The following TLL1 variants were observed in gnomAD, a reference collection of about 807,000 sequenced individuals.
TLL1 encodes tolloid-like protein 1.
In TLL1, 49 loss-of-function variants were observed where a neutral mutation model predicts 128.2. The ratio of observed to expected loss-of-function variants is 0.38; its 90% CI spans 0.30 to 0.48. The LOEUF (loss-of-function observed/expected upper bound fraction) is 0.48. Ranked by LOEUF, TLL1 falls within the 20% of genes least tolerant of loss-of-function variation. The probability of loss-of-function intolerance (pLI) is 0.96; values close to 1 mark genes in which losing one functional copy is unlikely to be tolerated. For synonymous variants in TLL1, 454 were observed against 418.8 expected, an observed-to-expected ratio of 1.08 and a Z score of -1.03; for missense variants, 1,123 against 1,242.0, an observed-to-expected ratio of 0.90 and a Z score of 1.44.
intron 19 of TLL1, among the ~76,000 whole-genome samples, chr4:166,095,376 G>A (rs1288179532): frequency 6.6e-6 from 1 of 151,292 alleles, no homozygotes; most frequent in African/African-American, 2.4e-5. Context: ...TATTACTCCA[G>A]TCTTAAATAA....
chr4:165,896,796 T>G (rs757688509), intron 1 of TLL1, among the ~76,000 whole-genome samples: 8 of 152,210 alleles, frequency 5.3e-5, no homozygotes, highest in Non-Finnish European at 1.2e-4. Flanking sequence ...AAATGGTATT[T>G]CTGGTTCTAG....
intron 1 of TLL1, among the ~76,000 whole-genome samples, chr4:165,885,482 C>T (rs1383307516): frequency 2.6e-5 from 4 of 151,852 alleles, no homozygotes; most frequent in Admixed American, 6.6e-5. Context: ...CACCATAGGC[C>T]CTGAAGTAGG....
chr4:166,003,243 C>T, intron 5 of TLL1, 148 bp from the exon 6 acceptor site: 1 of 749,870 alleles, frequency 1.3e-6, no homozygotes, highest in South Asian at 1.5e-5. Flanking sequence ...ATACCAGAAA[C>T]TAGTCATATG....
intron 2 of TLL1, among the ~76,000 whole-genome samples, chr4:165,992,338 A>G (rs1736682693): frequency 6.6e-6 from 1 of 152,056 alleles, no homozygotes; most frequent in African/African-American, 2.4e-5. Context: ...TTTGAAATTC[A>G]TGGAAGCTTT....
chr4:166,044,748 A>G (rs564199952), intron 12 of TLL1, among the ~76,000 whole-genome samples: 1 of 152,304 alleles, frequency 6.6e-6, no homozygotes, highest in East Asian at 1.9e-4. Flanking sequence ...AAAAAGGCTC[A>G]TAAAAATTAT....
intron 1 of TLL1, among the ~76,000 whole-genome samples, chr4:165,937,751 G>T (rs985605369): frequency 2.6e-4 from 40 of 151,544 alleles, no homozygotes; most frequent in Non-Finnish European, 2.7e-4. Context: ...AGCAGTTTTT[G>T]TCCTTTATAT....
chr4:165,985,335 A>T (rs552273541), intron 1 of TLL1, among the ~76,000 whole-genome samples: 1 of 152,136 alleles, frequency 6.6e-6, no homozygotes, highest in Admixed American at 6.6e-5. Context: ...ACTGGTAACC[A>T]GCTATCAGAT....
At chr4:165,962,641 C>T (rs1735165407) in intron 1 of TLL1, among the ~76,000 whole-genome samples, 1 of 152,082 alleles carries the variant, frequency 6.6e-6, no homozygotes, top group African/African-American at 2.4e-5. Context: ...GCACTATTTA[C>T]AGTAGCAAGG....
chr4:165,950,607 G>A (rs971242429), intron 1 of TLL1, among the ~76,000 whole-genome samples: 1 of 151,862 alleles, frequency 6.6e-6, no homozygotes, highest in Non-Finnish European at 1.5e-5. Context: ...AGAAGGATAT[G>A]TTAAAAATCT....
At chr4:166,099,124 A>G (rs763103108) in intron 19 of TLL1, among the ~76,000 whole-genome samples, 153 bp from the exon 20 acceptor site, 11 of 152,106 alleles carry the variant, frequency 7.2e-5, no homozygotes, top group Non-Finnish European at 1.3e-4. Context: ...CCATGACACT[A>G]TCTGACTCTC....
At chr4:166,089,897 A>G (rs1741686368) in intron 18 of TLL1, among the ~76,000 whole-genome samples, 1 of 151,786 alleles carries the variant, frequency 6.6e-6, no homozygotes. Context: ...AGTTAATATG[A>G]ATTGTTTATT....
intron 1 of TLL1, among the ~76,000 whole-genome samples, chr4:165,942,460 T>C (rs1005780546): frequency 2.0e-5 from 3 of 152,026 alleles, no homozygotes. Context: ...CTGTTTTGTC[T>C]ATCTCCATGA....
At chr4:166,054,069 T>C (rs1192943112) in intron 12 of TLL1, among the ~76,000 whole-genome samples, 1 of 152,162 alleles carries the variant, frequency 6.6e-6, no homozygotes. Flanking sequence ...AGGCCAATAG[T>C]CTCACCTGAT....
chr4:165,946,065 T>A (rs28439605), intron 1 of TLL1, among the ~76,000 whole-genome samples: 22,518 of 152,036 alleles, frequency 0.15, 4,619 homozygotes, highest in African/African-American at 0.47. Flanking sequence ...TTGGAGTGGC[T>A]AGGTGAGGAG....
chr4:165,972,799 A>T (rs564825519), intron 1 of TLL1, among the ~76,000 whole-genome samples: 1 of 151,898 alleles, frequency 6.6e-6, no homozygotes, highest in Non-Finnish European at 1.5e-5. Flanking sequence ...CCATAATACC[A>T]CCTTCTACCA....
chr4:166,078,261 A>G (rs1339927126), intron 18 of TLL1, among the ~76,000 whole-genome samples: 1 of 152,140 alleles, frequency 6.6e-6, no homozygotes, highest in Non-Finnish European at 1.5e-5. Flanking sequence ...TTTAAAAGGC[A>G]TTACCAAAGT....
chr4:165,976,136 C>CACAT (rs1735876540), intron 1 of TLL1, among the ~76,000 whole-genome samples: 1 of 147,978 alleles, frequency 6.8e-6, no homozygotes, highest in African/African-American at 2.5e-5. Flanking sequence ...AGCTAAAACA[C>CACAT]ACATACACAC....
chr4:165,878,779 G>A (rs1303808941), intron 1 of TLL1, among the ~76,000 whole-genome samples: 1 of 152,012 alleles, frequency 6.6e-6, no homozygotes, highest in Non-Finnish European at 1.5e-5. Flanking sequence ...ATTCAAGTAG[G>A]TGCCCAGTCA....
intron 11 of TLL1, 124 bp from the exon 12 acceptor site, chr4:166,043,150 T>A: frequency 1.5e-6 from 2 of 1,342,430 alleles, no homozygotes; most frequent in South Asian, 2.4e-5. Context: ...CAACTTTGAT[T>A]TTTATAGCCT....
Sources: allele counts gnomAD v4.1 joint callset (sites outside exome capture counted in the v4.1 genomes callset), GRCh38; gene constraint gnomAD v4.1.1; transcripts MANE v1.5; gene names NCBI Gene and HGNC (gene_info 2026-07-23, HGNC 2026-07-21).